The following ZPLD1 variants were observed in gnomAD, a reference collection of about 807,000 sequenced individuals.
The protein encoded by ZPLD1 is zona pellucida-like domain-containing protein 1.
A neutral mutation model predicts 47.2 loss-of-function variants in ZPLD1; 34 were observed. That is an observed-to-expected ratio of 0.72 (90% CI 0.55 to 0.96). ZPLD1 has a LOEUF of 0.96. Among genes scored for constraint, ZPLD1 ranks in the 40% least tolerant of loss-of-function variants. The pLI, the probability that ZPLD1 is intolerant of heterozygous loss-of-function variation, is 0.00. For synonymous variants in ZPLD1, 176 were observed against 186.2 expected (o/e 0.95, Z 0.45); for missense variants, 512 against 505.8 (o/e 1.01, Z -0.12).
At chr3:102,423,600 T>G (rs1472122724) in intron 8 of ZPLD1, among the ~76,000 whole-genome samples, 1 of 152,120 alleles carries the variant, frequency 6.6e-6, no homozygotes, top group East Asian at 1.9e-4. Context: ...CCATTAAAAA[T>G]TAAAATAAAT....
intron 6 of ZPLD1, among the ~76,000 whole-genome samples, chr3:102,388,689 A>G (rs1334652662): frequency 6.6e-6 from 1 of 152,182 alleles, no homozygotes; most frequent in African/African-American, 2.4e-5. Flanking sequence ...AAATAAAGCA[A>G]TATTAAGCAC....
chr3:102,450,647 G>T (rs146728773), intron 3 of ZPLD1, among the ~76,000 whole-genome samples: 262 of 152,118 alleles, frequency 1.7e-3, no homozygotes, highest in African/African-American at 6.0e-3. Context: ...AGGATGACAC[G>T]ACTGGATTAA....
intron 7 of ZPLD1, among the ~76,000 whole-genome samples, chr3:102,463,896 A>AAAAAG (rs1329854760): frequency 6.6e-6 from 1 of 150,854 alleles, no homozygotes; most frequent in Admixed American, 6.6e-5. Context: ...AAAAAAAAAA[A>AAAAAG]AAAAATAGCC....
At chr3:102,430,156 A>G (rs1287258720), upstream of ZPLD1, among the ~76,000 whole-genome samples, 2 of 152,122 alleles carry the variant, frequency 1.3e-5, no homozygotes, top group Admixed American at 1.3e-4. Context: ...AGGATGATGG[A>G]CTTTCTTCCA....
At chr3:102,454,867 A>C (rs575456384) in intron 4 of ZPLD1, among the ~76,000 whole-genome samples, 35 of 152,360 alleles carry the variant, frequency 2.3e-4, no homozygotes, top group African/African-American at 2.4e-4. Context: ...CACACACACA[A>C]AAAATTGCTA....
At chr3:102,465,636 A>G (rs1707579912) in intron 8 of ZPLD1, among the ~76,000 whole-genome samples, 1 of 152,148 alleles carries the variant, frequency 6.6e-6, no homozygotes, top group African/African-American at 2.4e-5. Flanking sequence ...ATAATCTGGA[A>G]TATGATCATC....
chr3:102,389,004 A>G (rs1036672420), intron 6 of ZPLD1, among the ~76,000 whole-genome samples: 39 of 152,128 alleles, frequency 2.6e-4, no homozygotes, highest in African/African-American at 9.2e-4. Flanking sequence ...GTATAACTTC[A>G]GTTTAACTCT....
intron 7 of ZPLD1, chr3:102,417,968 G>T (rs11928716): frequency 2.6e-5 from 4 of 152,258 alleles, no homozygotes; most frequent in Admixed American, 6.6e-5. Flanking sequence ...CAGATTTCAT[G>T]GTGGTGATGA....
intron 3 of ZPLD1, among the ~76,000 whole-genome samples, chr3:102,442,317 TAAACACAC>T (rs1423363992): frequency 2.9e-5 from 2 of 69,052 alleles, no homozygotes; most frequent in Admixed American, 1.7e-4. Context: ...CATACACCCA[TAAACACAC>T]ACACACACAC....
chr3:102,470,021 TG>T (rs1707656716), intron 9 of ZPLD1, among the ~76,000 whole-genome samples: 1 of 152,136 alleles, frequency 6.6e-6, no homozygotes, highest in Non-Finnish European at 1.5e-5. Flanking sequence ...CTATGACAGA[TG>T]GGGGTAAATG....
chr3:102,450,351 A>G (rs1346323014), intron 3 of ZPLD1, among the ~76,000 whole-genome samples: 1 of 152,234 alleles, frequency 6.6e-6, no homozygotes, highest in Non-Finnish European at 1.5e-5. Context: ...AAATCAAGAT[A>G]GAGAACATTT....
At chr3:102,419,531 A>G (rs1276566739) in intron 8 of ZPLD1, among the ~76,000 whole-genome samples, 1 of 151,842 alleles carries the variant, frequency 6.6e-6, no homozygotes, top group Non-Finnish European at 1.5e-5. Flanking sequence ...CTTGTTTTTC[A>G]TGATTCTGGG....
intron 7 of ZPLD1, among the ~76,000 whole-genome samples, chr3:102,399,504 T>C (rs1706595309): frequency 6.6e-6 from 1 of 152,110 alleles, no homozygotes; most frequent in Admixed American, 6.6e-5. Context: ...CTTCTCATCA[T>C]GTAGATATCG....
upstream of ZPLD1, among the ~76,000 whole-genome samples, chr3:102,432,622 CT>C (rs202083749): frequency 4.5e-3 from 674 of 151,416 alleles, 4 homozygotes; most frequent in Admixed American, 7.4e-3. Flanking sequence ...AACATGTTCA[CT>C]TTTTTTTTCA....
At chr3:102,472,786 C>T (rs2107358080) in intron 10 of ZPLD1, among the ~76,000 whole-genome samples, 1 of 152,312 alleles carries the variant, frequency 6.6e-6, no homozygotes, top group East Asian at 1.9e-4. Flanking sequence ...GATGGCTTTT[C>T]CTCCTTAATT....
At chr3:102,400,794 A>G (rs1483318916) in intron 7 of ZPLD1, among the ~76,000 whole-genome samples, 1 of 152,040 alleles carries the variant, frequency 6.6e-6, no homozygotes, top group Non-Finnish European at 1.5e-5. Flanking sequence ...TAAAAAAAAT[A>G]CAAAGAGGAA....
At chr3:102,442,651 GGGA>G (rs1707199210) in intron 3 of ZPLD1, among the ~76,000 whole-genome samples, 1 of 152,096 alleles carries the variant, frequency 6.6e-6, no homozygotes. Flanking sequence ...GCTAAGCAAT[GGGA>G]TGGAATGAGA....
At chr3:102,404,028 C>T (rs1423992119) in intron 7 of ZPLD1, among the ~76,000 whole-genome samples, 1 of 151,946 alleles carries the variant, frequency 6.6e-6, no homozygotes, top group Non-Finnish European at 1.5e-5. Flanking sequence ...ATTACTTATT[C>T]ATAGTGAGTG....
rs1033166035 is a variant in ZPLD1 at position 102,479,412 on chromosome 3, A to G, written c.*1794A>G. 8 of 152,208 alleles carry G rather than the reference A, an allele frequency of 5.3e-5. No individual in the cohort carries two copies. The highest frequency in any genetic ancestry group is 1.9e-4 in the African/African-American group (8 of 41,454). The allele number at this position is 152,208 out of a possible 1,614,324, so 9.4% of individuals were successfully genotyped here. On this transcript the variant is annotated 3_prime_UTR_variant, in exon 12 of 12. Transcript: ENST00000466937. ...TTGATTCTACGATTAAGTTCTGTGA[A>G]TAGGACATTATATCATTTAAGCTGT...
Sources: gnomAD v4.1 joint callset for allele counts (sites outside exome capture counted in the v4.1 genomes callset) on GRCh38, gnomAD v4.1.1 for gene constraint, MANE v1.5 for transcripts, NCBI Gene and HGNC (gene_info 2026-07-23, HGNC 2026-07-21) for gene names.